L3MBTL4: variants seen among roughly 807,000 people sequenced by gnomAD.
The protein encoded by L3MBTL4 is L3MBTL histone methyl-lysine binding protein 4, also known as lethal(3)malignant brain tumor-like protein 4.
Under a neutral mutation model 84.5 loss-of-function variants are expected in L3MBTL4, and 70 were observed. That is an observed-to-expected ratio of 0.83 (90% CI 0.68 to 1.01). The LOEUF is 1.01. Ranked by LOEUF, L3MBTL4 falls within the 50% of genes least tolerant of loss-of-function variation. L3MBTL4 has a pLI of 0.00. For missense variants in L3MBTL4, 715 were observed against 754.8 expected (o/e 0.95, Z 0.62); for synonymous variants, 274 against 259.8 (o/e 1.05, Z -0.52).
intron 16 of L3MBTL4, among the ~76,000 whole-genome samples, chr18:6,029,222 G>T (rs1296325963): frequency 6.6e-6 from 1 of 152,086 alleles, no homozygotes; most frequent in Non-Finnish European, 1.5e-5. Context: ...GGCATTAGAG[G>T]GTTCTTGCTG....
intron 12 of L3MBTL4, among the ~76,000 whole-genome samples, chr18:6,177,703 G>A (rs188245501): frequency 2.0e-5 from 3 of 152,246 alleles, no homozygotes; most frequent in East Asian, 1.9e-4. Flanking sequence ...TACTGATGGC[G>A]ATGTTGCAGT....
chr18:6,062,603 C>T (rs751320337), intron 16 of L3MBTL4, among the ~76,000 whole-genome samples: 4 of 151,764 alleles, frequency 2.6e-5, no homozygotes, highest in Non-Finnish European at 5.9e-5. Context: ...TCTGGTATTC[C>T]CATTGCACGT....
In L3MBTL4 at chr18:6,171,383, A is replaced by G. The variant is rs2043962983; in HGVS notation, c.1096+445T>C. ...GAAATAATAAAGATGCGAGTAAAGT[A>G]GAGGATTTTAAATTTTTTTATAAGT... is the stretch of plus-strand genomic sequence containing the variant. On this transcript the variant is annotated intron_variant, in intron 13 of 18. Transcript: ENST00000317931. 1.3e-5 allele frequency among the ~76,000 whole-genome samples: 2 copies of G among 152,264 alleles called. 1 individual carries two copies. Among genetic ancestry groups the G allele is most frequent in the South Asian group, 4.1e-4 (2 of 4,836 alleles).
intron 16 of L3MBTL4, among the ~76,000 whole-genome samples, chr18:6,024,534 T>C (rs2055416672): frequency 6.6e-6 from 1 of 152,220 alleles, no homozygotes. Context: ...TTATAGTCAC[T>C]AAAGCCCACA....
chr18:5,975,783 G>C (rs1567937891), intron 16 of L3MBTL4, among the ~76,000 whole-genome samples: 1 of 152,298 alleles, frequency 6.6e-6, no homozygotes, highest in East Asian at 1.9e-4. Context: ...CCTCAGGAAC[G>C]CTCCTCTCTC....
At chr18:6,139,325 A>G (rs1474751717) in intron 13 of L3MBTL4, among the ~76,000 whole-genome samples, 2 of 152,038 alleles carry the variant, frequency 1.3e-5, no homozygotes, top group Non-Finnish European at 2.9e-5. Context: ...ACACTGTGCT[A>G]TATTGTACTA....
At chr18:6,126,236 A>G (rs912195077) in intron 14 of L3MBTL4, among the ~76,000 whole-genome samples, 11 of 152,252 alleles carry the variant, frequency 7.2e-5, no homozygotes, top group African/African-American at 2.7e-4. Flanking sequence ...TATATTGTCT[A>G]AATTTTCGGT....
intron 16 of L3MBTL4, among the ~76,000 whole-genome samples, chr18:6,036,371 T>C (rs973696799): frequency 2.6e-5 from 4 of 152,218 alleles, no homozygotes; most frequent in African/African-American, 4.8e-5. Flanking sequence ...GATTCTGTTT[T>C]TTTTTCCTGC....
At chr18:6,041,253 C>T (rs12608160) in intron 16 of L3MBTL4, among the ~76,000 whole-genome samples, 23,165 of 152,142 alleles carry the variant, frequency 0.15, 1,940 homozygotes, top group East Asian at 0.31. Context: ...TGGAGCCAGC[C>T]GCTTCTGGAT....
At position 6,379,659 on chromosome 18, in the gene L3MBTL4, T is replaced by G. The variant is rs529992404; in HGVS notation, c.-91+35142A>C. Reference sequence around the variant, plus strand: ...TGTTGAACCAGCCTTGCATCCCAGATATGAAGCCGACTTGATCGTGGTGGA... The same window carrying G: ...TGTTGAACCAGCCTTGCATCCCAGAGATGAAGCCGACTTGATCGTGGTGGA... On this transcript the variant is annotated intron_variant, in intron 1 of 18. Transcript: ENST00000317931. 2.6e-5 allele frequency among the ~76,000 whole-genome samples: 4 copies of G among 152,300 alleles called. 1 individual carries two copies. Among genetic ancestry groups the G allele is most frequent in the African/African-American group, 9.6e-5 (4 of 41,566 alleles).
chr18:6,132,093 C>T (rs1158812682), intron 14 of L3MBTL4, among the ~76,000 whole-genome samples: 1 of 152,124 alleles, frequency 6.6e-6, no homozygotes. Context: ...CCAACAGTAA[C>T]TCCATCAAGG....
intron 1 of L3MBTL4, among the ~76,000 whole-genome samples, chr18:6,379,645 C>A (rs576321705): frequency 1.3e-5 from 2 of 152,124 alleles, no homozygotes; most frequent in Non-Finnish European, 1.5e-5. Context: ...GTTGAACCAG[C>A]CTTGCATCCC....
chr18:6,312,836 G>A (rs2050902325), intron 1 of L3MBTL4, among the ~76,000 whole-genome samples: 1 of 152,078 alleles, frequency 6.6e-6, no homozygotes. Flanking sequence ...TTATGTTGCA[G>A]TCAATCCAAA....
chr18:6,104,736 C>T (rs1373359295), intron 14 of L3MBTL4, among the ~76,000 whole-genome samples: 1 of 152,058 alleles, frequency 6.6e-6, no homozygotes, highest in Non-Finnish European at 1.5e-5. Context: ...GTTTTTACCA[C>T]AATTGAGAAA....
At chr18:6,017,775 C>G (rs1367802905) in intron 16 of L3MBTL4, 1 of 152,114 alleles carries the variant, frequency 6.6e-6, no homozygotes, top group African/African-American at 2.4e-5. Context: ...CACAACTGTC[C>G]CTCTCCATGG....
intron 1 of L3MBTL4, among the ~76,000 whole-genome samples, chr18:6,351,870 G>A (rs763819101): frequency 6.6e-6 from 1 of 151,920 alleles, no homozygotes; most frequent in Non-Finnish European, 1.5e-5. Context: ...ATTTTTTTAA[G>A]AGACAGGGTC....
intron 17 of L3MBTL4, among the ~76,000 whole-genome samples, chr18:5,966,984 G>C (rs2052382470): frequency 6.6e-6 from 1 of 152,140 alleles, no homozygotes; most frequent in Admixed American, 6.5e-5. Context: ...CCCCACCAAG[G>C]CCCTGATGGT....
chr18:6,322,612 C>T (rs956677680), intron 1 of L3MBTL4, among the ~76,000 whole-genome samples: 1 of 151,848 alleles, frequency 6.6e-6, no homozygotes, highest in African/African-American at 2.4e-5. Context: ...ACCTAAGTAT[C>T]CATGAACAGA....
At chr18:6,202,410 T>C (rs996944773) in intron 12 of L3MBTL4, among the ~76,000 whole-genome samples, 6 of 152,120 alleles carry the variant, frequency 3.9e-5, no homozygotes, top group African/African-American at 1.4e-4. Context: ...TGGAAGAATG[T>C]ATGCAAGGGA....
Sources: allele counts gnomAD v4.1 joint callset (sites outside exome capture counted in the v4.1 genomes callset), GRCh38; gene constraint gnomAD v4.1.1; transcripts MANE v1.5; gene names NCBI Gene and HGNC (gene_info 2026-07-23, HGNC 2026-07-21).